Variants in NRG1 observed in about 807,000 individuals in gnomAD.
NRG1 encodes the protein pro-neuregulin-1, membrane-bound isoform.
A neutral mutation model predicts 63.8 loss-of-function variants in NRG1; 18 were observed. The ratio of observed to expected loss-of-function variants is 0.28; its 90% CI spans 0.19 to 0.42. The LOEUF is 0.42. Ranked by LOEUF, NRG1 falls within the 10% of genes least tolerant of loss-of-function variation. NRG1 has a pLI of 1.00. For synonymous variants in NRG1, 302 were observed against 301.3 expected, an observed-to-expected ratio of 1.00 and a Z score of -0.02; for missense variants, 762 against 814.7, an observed-to-expected ratio of 0.94 and a Z score of 0.79.
At chr8:32,541,092 G>T (rs1489957542) in intron 1 of NRG1, among the ~76,000 whole-genome samples, 1 of 152,160 alleles carries the variant, frequency 6.6e-6, no homozygotes, top group African/African-American at 2.4e-5. Context: ...CATATAGTGT[G>T]TTGAAAGTTA....
At chr8:31,918,753 A>G (rs1332391065) in intron 1 of NRG1, among the ~76,000 whole-genome samples, 4 of 152,066 alleles carry the variant, frequency 2.6e-5, no homozygotes, top group African/African-American at 9.7e-5. Context: ...TTTTCTATTA[A>G]TTGGAATAGT....
At chr8:32,429,709 G>A (rs1230030147) in intron 1 of NRG1, among the ~76,000 whole-genome samples, 2 of 151,952 alleles carry the variant, frequency 1.3e-5, no homozygotes, top group African/African-American at 2.4e-5. Context: ...AGAAGTTATC[G>A]CAAACAGTGT....
At chr8:32,755,150 A>G (rs577199589) in intron 8 of NRG1, among the ~76,000 whole-genome samples, 2 of 152,196 alleles carry the variant, frequency 1.3e-5, no homozygotes, top group Non-Finnish European at 2.9e-5. Context: ...AAAACATAAG[A>G]GAGAAAACAT....
chr8:31,871,006 CTTT>C (rs113769852), intron 1 of NRG1, among the ~76,000 whole-genome samples: 4 of 143,614 alleles, frequency 2.8e-5, no homozygotes, highest in Admixed American at 6.9e-5. Flanking sequence ...TTTTATTTTC[CTTT>C]TTTTTTTTTT....
intron 1 of NRG1, among the ~76,000 whole-genome samples, chr8:31,820,571 C>T (rs1010685017): frequency 6.6e-6 from 1 of 152,132 alleles, no homozygotes; most frequent in Non-Finnish European, 1.5e-5. Context: ...AACATGTTCA[C>T]AGAGAATTGT....
At chr8:32,763,464 T>TC in intron 11 of NRG1, 24 of 1,269,044 alleles carry the variant, frequency 1.9e-5, no homozygotes, top group Non-Finnish European at 2.6e-5. Context: ...TCTTGGCTCA[T>TC]ATGCCATTAT....
At chr8:32,762,789 C>T (rs929441078) in intron 11 of NRG1, among the ~76,000 whole-genome samples, 1 of 152,152 alleles carries the variant, frequency 6.6e-6, no homozygotes, top group Non-Finnish European at 1.5e-5. Flanking sequence ...GAATAAGCCA[C>T]GTCTTCCTCA....
chr8:32,328,957 T>TA (rs1268738111), intron 1 of NRG1, among the ~76,000 whole-genome samples: 1 of 151,486 alleles, frequency 6.6e-6, no homozygotes, highest in Non-Finnish European at 1.5e-5. Flanking sequence ...TTAAAACCCT[T>TA]AAAATCTACA....
chr8:32,633,921 C>T (rs761181463), intron 5 of NRG1, among the ~76,000 whole-genome samples: 13 of 151,886 alleles, frequency 8.6e-5, no homozygotes, highest in African/African-American at 2.4e-4. Context: ...GCAGGAGGAT[C>T]GCTTGAGGCC....
At chr8:31,812,658 C>G (rs1823006735) in intron 1 of NRG1, among the ~76,000 whole-genome samples, 1 of 151,186 alleles carries the variant, frequency 6.6e-6, no homozygotes, top group Non-Finnish European at 1.5e-5. Context: ...CATCTCTTCC[C>G]CTTCCCTCCC....
At chr8:31,673,477 A>G (rs1807366539) in intron 1 of NRG1, among the ~76,000 whole-genome samples, 1 of 152,190 alleles carries the variant, frequency 6.6e-6, no homozygotes, top group Admixed American at 6.6e-5. Context: ...AATGGTAGCT[A>G]CTGAGGAAAA....
At chr8:32,010,543 T>A (rs1018352314) in intron 1 of NRG1, among the ~76,000 whole-genome samples, 2 of 152,094 alleles carry the variant, frequency 1.3e-5, no homozygotes, top group Admixed American at 6.6e-5. Flanking sequence ...TTTAAATCCC[T>A]GTATTGCATA....
intron 1 of NRG1, among the ~76,000 whole-genome samples, chr8:32,242,807 T>C (rs1368616092): frequency 2.0e-5 from 3 of 152,186 alleles, no homozygotes; most frequent in African/African-American, 7.2e-5. Context: ...CTGTCCTCAT[T>C]TATCATATAA....
chr8:31,953,150 T>C (rs1208825287), intron 1 of NRG1, among the ~76,000 whole-genome samples: 1 of 152,018 alleles, frequency 6.6e-6, no homozygotes, highest in South Asian at 2.1e-4. Flanking sequence ...AGCATACAAA[T>C]ATTTCATGTA....
At chr8:32,172,437 G>A (rs151092867) in intron 1 of NRG1, among the ~76,000 whole-genome samples, 4,405 of 152,248 alleles carry the variant, frequency 0.029, 188 homozygotes, top group African/African-American at 0.1. Flanking sequence ...AAATCAGAAC[G>A]CCTCTCCTCC....
At chr8:31,694,089 C>T (rs1479094031) in intron 1 of NRG1, among the ~76,000 whole-genome samples, 1 of 152,174 alleles carries the variant, frequency 6.6e-6, no homozygotes. Context: ...GGGACCCACC[C>T]ACCTCAGCCT....
intron 1 of NRG1, among the ~76,000 whole-genome samples, chr8:32,264,915 G>A (rs1043667739): frequency 1.3e-5 from 2 of 152,122 alleles, no homozygotes; most frequent in African/African-American, 4.8e-5. Flanking sequence ...CAAAGAAAAA[G>A]TTCAACGGAA....
intron 1 of NRG1, among the ~76,000 whole-genome samples, chr8:32,460,681 A>G (rs1822197226): frequency 6.6e-6 from 1 of 152,326 alleles, no homozygotes; most frequent in African/African-American, 2.4e-5. Flanking sequence ...CCAGACAACA[A>G]CAATTTGTTT....
intron 2 of NRG1, among the ~76,000 whole-genome samples, chr8:32,601,472 G>A (rs993031653): frequency 4.6e-5 from 7 of 152,106 alleles, no homozygotes; most frequent in Non-Finnish European, 7.4e-5. Context: ...GCTCAGAAAA[G>A]TGCTTCTATG....
Sources: gnomAD v4.1 joint callset for allele counts (sites outside exome capture counted in the v4.1 genomes callset) on GRCh38, gnomAD v4.1.1 for gene constraint, MANE v1.5 for transcripts, NCBI Gene and HGNC (gene_info 2026-07-23, HGNC 2026-07-21) for gene names.